VWF: variants seen among roughly 807,000 people sequenced by gnomAD.
VWF encodes Factor VIII related antigen.
In VWF, 176 loss-of-function variants were observed where a neutral mutation model predicts 308.6. The ratio of observed to expected loss-of-function variants is 0.57; its 90% CI spans 0.50 to 0.65. The LOEUF is 0.65. Ranked by LOEUF, VWF falls within the 30% of genes least tolerant of loss-of-function variation. The probability of loss-of-function intolerance (pLI) is 0.00; values close to 1 mark genes in which losing one functional copy is unlikely to be tolerated. For missense variants in VWF, 3,146 were observed against 3,648.2 expected (o/e 0.86, Z 3.55); for synonymous variants, 1,385 against 1,443.4 (o/e 0.96, Z 0.92).
In VWF at chr12:6,016,111, T is replaced by C; in HGVS notation, c.5433A>G (p.Ala1811=). ...TDVSVDSVDA[A]ADAARSNRVT... The stretch of plus-strand genomic sequence containing the variant: ...TACTGTTGGACCTGGCGGCATCAGC[T>C]GCTGCATCCACTGAATCCACAGAGA... The change falls in exon 31 of 52, where the codon GCA becomes GCG. Residue 1811 remains alanine (A), a synonymous_variant. Transcript: ENST00000261405. 1.2e-6 allele frequency: 2 copies of C among 1,614,206 alleles called. No individual in the cohort carries two copies. Among genetic ancestry groups the C allele is most frequent in the Non-Finnish European group, 1.7e-6 (2 of 1,180,030 alleles).
chr12:6,050,542 C>T (rs1004231392), intron 16 of VWF, among the ~76,000 whole-genome samples: 3 of 152,238 alleles, frequency 2.0e-5, no homozygotes, highest in Non-Finnish European at 4.4e-5. Flanking sequence ...CCCTGAACCT[C>T]ATCCCAACTT....
chr12:5,974,072 T>C (rs1591837938), intron 43 of VWF, among the ~76,000 whole-genome samples: 1 of 152,188 alleles, frequency 6.6e-6, no homozygotes, highest in South Asian at 2.1e-4. Context: ...ATGATGGTAG[T>C]GTTGTTCTTT....
At chr12:6,113,820 C>G (rs1336984732) in intron 3 of VWF, among the ~76,000 whole-genome samples, 1 of 152,254 alleles carries the variant, frequency 6.6e-6, no homozygotes, top group Non-Finnish European at 1.5e-5. Flanking sequence ...CAAATCCCTC[C>G]CTCGGCCTTT....
intron 20 of VWF, 47 bp downstream of exon 20, chr12:6,034,641 C>T (rs775545550): frequency 3.7e-6 from 6 of 1,612,950 alleles, no homozygotes; most frequent in Admixed American, 1.7e-5. Context: ...ACCTCCCACC[C>T]CTCCTAGAAA....
rs559479292 is a variant in VWF at position 5,955,693 on chromosome 12, G to A, written c.7888-2099C>T. Among the ~76,000 whole-genome samples, 36 of 152,212 alleles carry A rather than the reference G, an allele frequency of 2.4e-4. 1 individual carries two copies. In the South Asian group the frequency reaches 7.5e-3, roughly 32 times the overall value. On this transcript the variant is annotated intron_variant, in intron 47 of 51. Coordinates refer to ENST00000261405, the MANE Select transcript of VWF (RefSeq NM_000552.5). Reference sequence around the variant, plus strand: ...CAGGCAGGAACTTTAAAATAACTATGATAAATATGTTAAAGAGTCTAGAGG... The same window carrying A: ...CAGGCAGGAACTTTAAAATAACTATAATAAATATGTTAAAGAGTCTAGAGG...
At chr12:5,986,008 G>A (rs74600872) in intron 38 of VWF, among the ~76,000 whole-genome samples, 1 of 152,132 alleles carries the variant, frequency 6.6e-6, no homozygotes, top group Non-Finnish European at 1.5e-5. Flanking sequence ...GTTGTTGCTT[G>A]GGGAAAAAAA....
At chr12:6,050,777 G>GA (rs1177224156) in intron 16 of VWF, among the ~76,000 whole-genome samples, 1 of 152,104 alleles carries the variant, frequency 6.6e-6, no homozygotes, top group African/African-American at 2.4e-5. Flanking sequence ...CTGACATGGC[G>GA]AAACCCCGTC....
chr12:6,033,614 C>T (rs926827990), intron 20 of VWF, among the ~76,000 whole-genome samples: 3 of 152,252 alleles, frequency 2.0e-5, no homozygotes, highest in African/African-American at 4.8e-5. Context: ...CATATCCCCC[C>T]GGATCATAGG....
At chr12:6,095,409 G>T (rs1300529620) in intron 6 of VWF, 51 bp downstream of exon 6, 1 of 1,612,974 alleles carries the variant, frequency 6.2e-7, no homozygotes. Context: ...CTGTCTTTTA[G>T]ATCCAGAAAT....
rs965157559 is a variant in VWF, at chr12:6,072,930, G to A, written c.998-488C>T. On this transcript the variant is annotated intron_variant, in intron 8 of 51. Transcript: ENST00000261405. The stretch of plus-strand genomic sequence containing the variant: ...CACCCAGGATGGAGTGCAGTGGTGC[G>A]ATCTCGGTTCACTGCAACTTCCGCC... Among the ~76,000 whole-genome samples the A allele has an allele frequency of 1.1e-4, 16 of 151,238 alleles. No homozygotes were observed. The East Asian group carries it at 2.5e-3, about 24-fold the overall frequency.
intron 6 of VWF, among the ~76,000 whole-genome samples, chr12:6,082,913 C>A (rs1944929555): frequency 6.6e-6 from 1 of 152,158 alleles, no homozygotes; most frequent in South Asian, 2.1e-4. Flanking sequence ...TCCATCCTGC[C>A]CTCCCACTCC....
chr12:6,095,809 C>G, intron 5 of VWF: 1 of 541,882 alleles, frequency 1.8e-6, no homozygotes, highest in Non-Finnish European at 3.3e-6. Flanking sequence ...TCTGGCTTGG[C>G]TGGTTCACCC....
chr12:6,033,072 G>A (rs988786976), intron 20 of VWF, among the ~76,000 whole-genome samples: 2 of 152,120 alleles, frequency 1.3e-5, no homozygotes, highest in Non-Finnish European at 2.9e-5. Flanking sequence ...GCATACATAT[G>A]TCCATACAAC....
chr12:5,953,508 G>C lies in VWF; in HGVS notation c.7974C>G (p.Ile2658Met), dbSNP rs1473571630. Residue 2658 changes from isoleucine (I) to methionine (M), a missense_variant, in exon 48 of 52, where the codon ATC (isoleucine) becomes ATG (methionine). Coordinates refer to ENST00000261405, the MANE Select transcript of VWF (RefSeq NM_000552.5). ...ACTIQLRGGQ[I>M]MTLKRDETLQ... ...AGCTTGCTCCTACCTTCAGTGTCAT[G>C]ATCTGTCCTCCTCTTAGCTGAATGG... The C allele has an allele frequency of 1.2e-6, 2 of 1,613,926 alleles. No individual in the cohort carries two copies. Among genetic ancestry groups the C allele is most frequent in the African/African-American group, 1.3e-5 (1 of 74,920 alleles).
intron 5 of VWF, among the ~76,000 whole-genome samples, chr12:6,097,493 C>T (rs879555517): frequency 2.6e-5 from 4 of 152,038 alleles, no homozygotes; most frequent in East Asian, 1.9e-4. Context: ...CAGAGGGAGA[C>T]GGGCAAAGAC....
chr12:5,958,680 C>A (rs1462816106), intron 47 of VWF, among the ~76,000 whole-genome samples: 1 of 151,864 alleles, frequency 6.6e-6, no homozygotes, highest in Non-Finnish European at 1.5e-5. Flanking sequence ...CAGAGTGAGA[C>A]CCTGTCTCAA....
intron 6 of VWF, among the ~76,000 whole-genome samples, chr12:6,094,411 A>G (rs958129668): frequency 6.6e-6 from 1 of 152,218 alleles, no homozygotes; most frequent in Non-Finnish European, 1.5e-5. Flanking sequence ...AGTTTACAAC[A>G]GCCACTTAAG....
intron 6 of VWF, among the ~76,000 whole-genome samples, chr12:6,092,569 T>TGTGC (rs760069336): frequency 1.4e-5 from 2 of 143,768 alleles, no homozygotes; most frequent in Non-Finnish European, 3.0e-5. Flanking sequence ...AGCTAGTGTG[T>TGTGC]GTGCGTGCGT....
In VWF at chr12:6,044,303, G is replaced by T. The variant is rs746648486; in HGVS notation, c.2430C>A (p.Cys810Ter). 6.2e-7 allele frequency: 1 copy of T among 1,614,094 alleles called. No individual in the cohort carries two copies. The highest frequency in any genetic ancestry group is 1.7e-4 in the Middle Eastern group (1 of 6,050). The change falls in exon 18 of 52, where the codon TGC becomes TGA. Residue 810 changes from cysteine (C) to a stop codon, truncating the protein, a stop_gained. Coordinates refer to ENST00000261405, the MANE Select transcript of VWF (RefSeq NM_000552.5). LOFTEE classifies it high-confidence loss of function. ...MSMGCVSGCLCPPGMVRHENR... is the reference protein window; with the variant it reads ...MSMGCVSGCL ...CCTGGTGACTCACCATGCCCGGGGG[G>T]CAGAGGCAGCCAGAGACACAGCCCA...
Sources: allele counts gnomAD v4.1 joint callset (sites outside exome capture counted in the v4.1 genomes callset), GRCh38; gene constraint gnomAD v4.1.1; transcripts MANE v1.5; gene names NCBI Gene and HGNC (gene_info 2026-07-23, HGNC 2026-07-21).